The following KLHL22 variants were observed in gnomAD, a reference collection of about 807,000 sequenced individuals.
KLHL22 encodes the protein kelch like family member 22, also known as kelch-like protein 22.
Under a neutral mutation model 60.7 loss-of-function variants are expected in KLHL22, and 18 were observed. The ratio of observed to expected loss-of-function variants is 0.30; its 90% confidence interval spans 0.20 to 0.44. KLHL22 has a LOEUF of 0.44. KLHL22 is among the 20% of genes least tolerant of loss of function. The probability of loss-of-function intolerance (pLI) is 1.00; values close to 1 mark genes in which losing one functional copy is unlikely to be tolerated. For synonymous variants in KLHL22, 355 were observed against 354.5 expected, an observed-to-expected ratio of 1.00 and a Z score of -0.01; for missense variants, 596 against 852.3, an observed-to-expected ratio of 0.70 and a Z score of 3.74.
intron 6 of KLHL22, among the ~76,000 whole-genome samples, chr22:20,446,170 C>T (rs1221188778): frequency 3.3e-5 from 5 of 152,172 alleles, no homozygotes; most frequent in Non-Finnish European, 4.4e-5. Flanking sequence ...ACTGTGGACT[C>T]TGGTTGATGG....
In KLHL22 at chr22:20,465,261, G is replaced by A; in HGVS notation, c.709C>T (p.Pro237Ser). 2 of 1,613,982 alleles carry A rather than the reference G, an allele frequency of 1.2e-6. No homozygotes were observed. Among genetic ancestry groups the A allele is most frequent in the South Asian group, 1.1e-5 (1 of 91,074 alleles). Residue 237 changes from proline to serine, a missense_variant, in exon 4 of 7, where the codon CCC (proline) becomes TCC (serine). Transcript: ENST00000328879. The surrounding 1 kb of genome is among the most constrained non-coding windows in gnomAD (Gnocchi z 4.9). ...CGCACTGTCTCAAGGAGCTTTGGGG[G>A]CTCGTGCAGCGAGATCTGGTCAGCC... is the stretch of plus-strand genomic sequence containing the variant. The part of the protein sequence containing the change: ...VQADQISLHE[P>S]PKLLETVRFP...
intron 2 of KLHL22, among the ~76,000 whole-genome samples, chr22:20,478,636 T>A (rs1024157322): frequency 7.0e-6 from 1 of 143,110 alleles, no homozygotes; most frequent in African/African-American, 2.6e-5. Context: ...TGTCTCAGCC[T>A]CCCGAGTAGC....
At chr22:20,474,465 C>T (rs2053377638) in intron 2 of KLHL22, among the ~76,000 whole-genome samples, 1 of 152,180 alleles carries the variant, frequency 6.6e-6, no homozygotes, top group Non-Finnish European at 1.5e-5. Context: ...AATCTCGGCT[C>T]ACTGCAACCT....
At chr22:20,466,019 G>T (rs1404756601) in intron 3 of KLHL22, among the ~76,000 whole-genome samples, 2 of 152,048 alleles carry the variant, frequency 1.3e-5, no homozygotes, top group Non-Finnish European at 2.9e-5. Context: ...AGAGGAACAT[G>T]ATGAAAATGA....
At chr22:20,461,550 C>CAAAAAAAAA (rs362095) in intron 4 of KLHL22, among the ~76,000 whole-genome samples, 1 of 64,786 alleles carries the variant, frequency 1.5e-5, no homozygotes, top group Non-Finnish European at 2.7e-5. Flanking sequence ...GACTCCAACT[C>CAAAAAAAAA]AAAAAAAAAA....
intron 3 of KLHL22, among the ~76,000 whole-genome samples, chr22:20,469,386 C>T (rs977818551): frequency 8.5e-5 from 13 of 152,052 alleles, no homozygotes; most frequent in Non-Finnish European, 1.5e-4. Context: ...AGGGGAGCTC[C>T]GGGAGAGTGG....
At chr22:20,479,258 A>C (rs966769123) in intron 2 of KLHL22, among the ~76,000 whole-genome samples, 2 of 151,836 alleles carry the variant, frequency 1.3e-5, no homozygotes, top group Non-Finnish European at 2.9e-5. Flanking sequence ...TTTTTAAAAA[A>C]ATATATTAAA....
intron 2 of KLHL22, among the ~76,000 whole-genome samples, chr22:20,480,827 C>CTTTT (rs760373717): frequency 1.6e-4 from 20 of 121,564 alleles, no homozygotes; most frequent in African/African-American, 2.7e-4. Flanking sequence ...TTACGCCAAA[C>CTTTT]TTTTTTTTTT....
intron 1 of KLHL22, among the ~76,000 whole-genome samples, chr22:20,493,503 C>T (rs569365057): frequency 3.3e-5 from 5 of 152,196 alleles, no homozygotes; most frequent in South Asian, 4.1e-4. Flanking sequence ...GCAAAGTGGC[C>T]GGGCGCAGTG....
At chr22:20,455,321 C>T (rs752714471) in intron 5 of KLHL22, among the ~76,000 whole-genome samples, 5 of 152,252 alleles carry the variant, frequency 3.3e-5, no homozygotes, top group Non-Finnish European at 5.9e-5. Flanking sequence ...CTGCTGTCTT[C>T]AGCCCAGACC....
intron 5 of KLHL22, chr22:20,450,143 A>C: frequency 1.3e-6 from 1 of 793,480 alleles, no homozygotes; most frequent in East Asian, 2.4e-5. Context: ...TATGGCCCCC[A>C]AAGACATAAT....
intron 6 of KLHL22, among the ~76,000 whole-genome samples, chr22:20,445,999 G>A (rs1283409142): frequency 1.3e-5 from 2 of 152,212 alleles, no homozygotes; most frequent in African/African-American, 2.4e-5. Flanking sequence ...GAGCTCAAGT[G>A]ATCCTCTCGC....
At position 20,493,403 on chromosome 22, in the gene KLHL22, A is replaced by G. The variant is rs2053720982; in HGVS notation, c.-34+2357T>C. Reference sequence around the variant, plus strand: ...TTAAAACATTTAAAACCACATCTATACGGTTTTAAATCACCAAAACGTCCA... The same window carrying G: ...TTAAAACATTTAAAACCACATCTATGCGGTTTTAAATCACCAAAACGTCCA... On this transcript the variant is annotated intron_variant, in intron 1 of 6. Coordinates refer to ENST00000328879, the MANE Select transcript of KLHL22 (RefSeq NM_032775.4). Among the ~76,000 whole-genome samples, 7 of 152,342 alleles carry G rather than the reference A, an allele frequency of 4.6e-5. No individual in the cohort carries two copies. In the South Asian group the frequency reaches 1.4e-3, roughly 32 times the overall value.
intron 2 of KLHL22, among the ~76,000 whole-genome samples, chr22:20,476,165 A>ATTTGT (rs2053408702): frequency 1.3e-5 from 2 of 152,100 alleles, no homozygotes; most frequent in African/African-American, 4.8e-5. Context: ...TCTGGCACAT[A>ATTTGT]TTTGTTACAT....
At chr22:20,494,189 A>G (rs2053734809) in intron 1 of KLHL22, among the ~76,000 whole-genome samples, 1 of 151,720 alleles carries the variant, frequency 6.6e-6, no homozygotes, top group South Asian at 2.1e-4. Context: ...TGGGCAATAT[A>G]GCGCGACCCT....
At chr22:20,451,180 G>A (rs2052971633) in intron 5 of KLHL22, 2 of 1,593,960 alleles carry the variant, frequency 1.3e-6, no homozygotes, top group Non-Finnish European at 1.7e-6. Context: ...CACAGCAGAT[G>A]AGGATGGGGT....
At chr22:20,473,991 A>G (rs1163860143) in intron 2 of KLHL22, among the ~76,000 whole-genome samples, 1 of 152,028 alleles carries the variant, frequency 6.6e-6, no homozygotes, top group Non-Finnish European at 1.5e-5. Flanking sequence ...CATATTCCAC[A>G]TCTCACTTGG....
chr22:20,460,010 C>T (rs957048735), intron 4 of KLHL22, among the ~76,000 whole-genome samples: 14 of 151,686 alleles, frequency 9.2e-5, no homozygotes, highest in Non-Finnish European at 1.6e-4. Flanking sequence ...CCTGCATGAC[C>T]TGGGGCACAA....
chr22:20,490,109 T>A (rs773582068), intron 1 of KLHL22, among the ~76,000 whole-genome samples: 22 of 152,202 alleles, frequency 1.4e-4, no homozygotes, highest in Non-Finnish European at 1.8e-4. Context: ...AGTCCCACAC[T>A]GTGAGGCATG....
Sources: allele counts gnomAD v4.1 joint callset (sites outside exome capture counted in the v4.1 genomes callset), GRCh38; gene constraint gnomAD v4.1.1; non-coding constraint Gnocchi (gnomAD v3.1); transcripts MANE v1.5; gene names NCBI Gene and HGNC (gene_info 2026-07-23, HGNC 2026-07-21).